ZBTB16: variants seen among roughly 807,000 people sequenced by gnomAD.
ZBTB16 encodes zinc finger and BTB domain containing 16, also known as zinc finger and BTB domain-containing protein 16.
Under a neutral mutation model 56.8 loss-of-function variants are expected in ZBTB16, and 8 were observed. That is an observed-to-expected ratio of 0.14 (90% CI 0.08 to 0.25). The LOEUF is 0.25. ZBTB16 is among the 10% of genes least tolerant of loss of function. The pLI is 1.00. For synonymous variants in ZBTB16, 363 were observed against 368.5 expected, an observed-to-expected ratio of 0.98 and a Z score of 0.17; for missense variants, 625 against 903.0, an observed-to-expected ratio of 0.69 and a Z score of 3.95.
intron 2 of ZBTB16, among the ~76,000 whole-genome samples, chr11:114,141,581 G>A (rs1941946356): frequency 1.3e-5 from 2 of 152,164 alleles, no homozygotes; most frequent in Admixed American, 1.3e-4. Flanking sequence ...ATGTACCTTC[G>A]CAGGTAACAG....
chr11:114,220,110 T>A (rs1429302073), intron 4 of ZBTB16, among the ~76,000 whole-genome samples: 2 of 152,222 alleles, frequency 1.3e-5, no homozygotes, highest in East Asian at 3.8e-4. Context: ...TGAAGATTAG[T>A]GGACGGAGGG....
At chr11:114,121,871 A>G (rs1353577125) in intron 2 of ZBTB16, 6 of 455,486 alleles carry the variant, frequency 1.3e-5, no homozygotes, top group Admixed American at 9.4e-5. Flanking sequence ...TTGGACTGTC[A>G]AGATGCATTT....
rs114435607 is a variant in ZBTB16 at position 114,222,908 on chromosome 11, T to C, written c.1454-19259T>C. On this transcript the variant is annotated intron_variant, in intron 4 of 6. Transcript: ENST00000335953. ...TTGCTTGAGTGTAGAGGGCTCAGAC[T>C]CTGAGGTCAGCTTATGTGCCTGAGG... Among the ~76,000 whole-genome samples, 313 of 152,194 alleles carry C rather than the reference T, an allele frequency of 2.1e-3. 2 individuals carry two copies. The highest frequency in any genetic ancestry group is 6.6e-3 in the African/African-American group (274 of 41,538).
intron 6 of ZBTB16, among the ~76,000 whole-genome samples, chr11:114,249,759 G>A (rs372958939): frequency 1.7e-4 from 12 of 72,154 alleles, no homozygotes; most frequent in Non-Finnish European, 2.7e-4. Flanking sequence ...GCGACACAGC[G>A]AGACTCCGTC....
At chr11:114,230,217 G>A (rs925541452) in intron 4 of ZBTB16, among the ~76,000 whole-genome samples, 2 of 152,110 alleles carry the variant, frequency 1.3e-5, no homozygotes, top group African/African-American at 4.8e-5. Context: ...TTCCTGTAAT[G>A]TGCACGTGCA....
intron 2 of ZBTB16, among the ~76,000 whole-genome samples, chr11:114,128,109 CTCTG>C (rs776324100): frequency 5.9e-5 from 9 of 152,234 alleles, no homozygotes; most frequent in Non-Finnish European, 1.0e-4. Context: ...TTTGGAAAAT[CTCTG>C]TCTCTCTGGG....
At chr11:114,222,133 A>G (rs575292) in intron 4 of ZBTB16, among the ~76,000 whole-genome samples, 138,523 of 152,204 alleles carry the variant, frequency 0.91, 63,156 homozygotes, top group East Asian at 1. Context: ...TCCTTGAGGC[A>G]CTGAAAACTT....
intron 2 of ZBTB16, among the ~76,000 whole-genome samples, chr11:114,090,031 T>C (rs1591654926): frequency 6.6e-6 from 1 of 152,168 alleles, no homozygotes; most frequent in East Asian, 1.9e-4. Flanking sequence ...AGATCTTAGC[T>C]CCATAAGGGA....
intron 4 of ZBTB16, among the ~76,000 whole-genome samples, chr11:114,190,467 G>T (rs1284300611): frequency 6.6e-6 from 1 of 152,130 alleles, no homozygotes; most frequent in African/African-American, 2.4e-5. Flanking sequence ...TAATAAAATT[G>T]TTGAAGATCT....
At chr11:114,187,133 G>T in intron 4 of ZBTB16, 95 bp downstream of exon 4, 2 of 1,181,794 alleles carry the variant, frequency 1.7e-6, no homozygotes, top group Non-Finnish European at 1.3e-6. Context: ...TTTAGCAAAT[G>T]TGACATCCAG....
intron 3 of ZBTB16, among the ~76,000 whole-genome samples, chr11:114,166,119 A>G (rs980448420): frequency 6.6e-6 from 1 of 151,882 alleles, no homozygotes; most frequent in Admixed American, 6.6e-5. Context: ...CCAGGTGTTC[A>G]ACTGCCTAGG....
intron 1 of ZBTB16, among the ~76,000 whole-genome samples, chr11:114,062,944 C>A (rs530867625): frequency 6.6e-5 from 10 of 152,364 alleles, no homozygotes; most frequent in African/African-American, 2.2e-4. Context: ...CATTTCACTT[C>A]ATCTAACAGA....
At chr11:114,131,132 TG>T (rs1941646900) in intron 2 of ZBTB16, among the ~76,000 whole-genome samples, 2 of 152,198 alleles carry the variant, frequency 1.3e-5, no homozygotes, top group Non-Finnish European at 2.9e-5. Flanking sequence ...TGGTTCTCAA[TG>T]GGGGACAATT....
rs541832200 is a variant in ZBTB16, at chr11:114,150,348, A to G, written c.1269-5989A>G. On this transcript the variant is annotated intron_variant, in intron 2 of 6. Transcript: ENST00000335953. ...AAAAGACACATAGAAAGTACAGGAG[A>G]GCTAGTCTGGGCGTGGTGGCTCATG... is the stretch of plus-strand genomic sequence containing the variant. Among the ~76,000 whole-genome samples the G allele has an allele frequency of 2.0e-5, 3 of 152,278 alleles. No individual in the cohort carries two copies. In the South Asian group the frequency reaches 6.2e-4, roughly 32 times the overall value.
intron 3 of ZBTB16, among the ~76,000 whole-genome samples, chr11:114,168,039 G>T (rs1382397395): frequency 1.3e-5 from 2 of 152,188 alleles, no homozygotes; most frequent in Non-Finnish European, 2.9e-5. Context: ...TATGGCACCT[G>T]TCACCTTCTT....
rs1190138780 is a variant in ZBTB16 at position 114,064,091 on chromosome 11, T to A, written c.791T>A (p.Ile264Asn). 4 of 1,613,796 alleles carry A rather than the reference T, an allele frequency of 2.5e-6. No individual in the cohort carries two copies. The highest frequency in any genetic ancestry group is 4.5e-5 in the East Asian group (2 of 44,862). Residue 264 changes from isoleucine to asparagine, a missense_variant, in exon 2 of 7, where the codon ATC (isoleucine) becomes AAC (asparagine). Physicochemically the swap from Ile to Asn is moderately radical, Grantham distance 149 (BLOSUM62 -3). Around this residue, in one of 6 missense-constraint regions of ZBTB16, gnomAD observed 384 missense variants for 393.5 expected, o/e 0.98. Coordinates refer to ENST00000335953, the MANE Select transcript of ZBTB16 (RefSeq NM_006006.6). This position sits in a 1 kb window ranked among gnomAD's most constrained non-coding sequence, Gnocchi z 4.2. ...QDSPGAAESS[I>N]SGGMGDKVEE... ...AGCCCTGGGGCAGCCGAGTCCAGCA[T>A]CTCAGGAGGGATGGGGGACAAGGTT...
chr11:114,148,394 TCCCTCCCTCCCTCCCTC>T (rs1942176524), intron 2 of ZBTB16, among the ~76,000 whole-genome samples: 1 of 30,652 alleles, frequency 3.3e-5, no homozygotes, highest in African/African-American at 1.5e-4. Context: ...CCTTCCTCCT[TCCCTCCCTCCCTCCCTC>T]CCTCCCTCCC....
intron 3 of ZBTB16, among the ~76,000 whole-genome samples, chr11:114,186,671 T>C (rs1200737252): frequency 1.3e-5 from 2 of 152,140 alleles, no homozygotes; most frequent in East Asian, 3.9e-4. Context: ...TCCTCCTTCT[T>C]CTTGAGGTAT....
chr11:114,101,302 G>C (rs1182219010), intron 2 of ZBTB16, among the ~76,000 whole-genome samples: 1 of 151,960 alleles, frequency 6.6e-6, no homozygotes, highest in Non-Finnish European at 1.5e-5. Flanking sequence ...ACAGCGCGAG[G>C]CCTTGTTTGG....
Sources: gnomAD v4.1 joint callset for allele counts (sites outside exome capture counted in the v4.1 genomes callset) on GRCh38, gnomAD v4.1.1 for gene constraint, gnomAD v4.1.1 regional missense constraint, Gnocchi (gnomAD v3.1) non-coding constraint, MANE v1.5 for transcripts, NCBI Gene and HGNC (gene_info 2026-07-23, HGNC 2026-07-21) for gene names.